The following KATNBL1 variants were observed in gnomAD, a reference collection of about 807,000 sequenced individuals.
The protein encoded by KATNBL1 is KATNB1-like protein 1.
A neutral mutation model predicts 44.7 loss-of-function variants in KATNBL1; 28 were observed. That is an observed-to-expected ratio of 0.63 (90% CI 0.46 to 0.86). KATNBL1 has a LOEUF of 0.86. Ranked by LOEUF, KATNBL1 falls within the 40% of genes least tolerant of loss-of-function variation. KATNBL1 has a pLI of 0.00. For synonymous variants in KATNBL1, 78 were observed against 114.9 expected (o/e 0.68, Z 2.06); for missense variants, 272 against 350.7 (o/e 0.78, Z 1.79).
At position 34,188,137 on chromosome 15, in the gene KATNBL1, T is replaced by TAAAAAAACAAAAA. The variant is rs1491479355; in HGVS notation, c.-15+21813_-15+21814insTTTTTGTTTTTTT. ...CTGGGTGACAGAGGAAGACGCCATG[T>TAAAAAAACAAAAA]AAAAAAAAAAAAAAAAAAAAAAAAA... On this transcript the variant is annotated intron_variant, in intron 1 of 9. Transcript: ENST00000256544. Among the ~76,000 whole-genome samples the TAAAAAAACAAAAA allele has an allele frequency of 1.4e-4, 3 of 22,084 alleles. No individual in the cohort carries two copies. The East Asian group carries it at 6.7e-3, about 49-fold the overall frequency. 14.5% of individuals were successfully genotyped at this position (22,084 alleles called of 152,430 possible).
intron 2 of KATNBL1, among the ~76,000 whole-genome samples, chr15:34,156,352 G>GA (rs779658700): frequency 5.2e-4 from 79 of 152,276 alleles, no homozygotes; most frequent in Non-Finnish European, 7.5e-4. Flanking sequence ...TGGAATCCTG[G>GA]AAAAAGAGCT....
chr15:34,169,049 A>G (rs1889073364), intron 1 of KATNBL1, among the ~76,000 whole-genome samples: 1 of 152,210 alleles, frequency 6.6e-6, no homozygotes, highest in African/African-American at 2.4e-5. Context: ...AAGAGCAAAC[A>G]AATTCAAAAG....
At chr15:34,177,041 A>G (rs1889352579) in intron 1 of KATNBL1, among the ~76,000 whole-genome samples, 1 of 1,644 alleles carries the variant, frequency 6.1e-4, no homozygotes, top group Non-Finnish European at 1.6e-3. Flanking sequence ...GAAACTGGCA[A>G]TTATCATTGC....
intron 2 of KATNBL1, among the ~76,000 whole-genome samples, chr15:34,155,650 A>G (rs779113311): frequency 2.0e-5 from 3 of 152,224 alleles, no homozygotes; most frequent in Non-Finnish European, 2.9e-5. Flanking sequence ...AGTTTTAATC[A>G]TGATGCAAAC....
chr15:34,194,824 A>G (rs750956173), intron 1 of KATNBL1, among the ~76,000 whole-genome samples: 2 of 152,264 alleles, frequency 1.3e-5, no homozygotes, highest in African/African-American at 2.4e-5. Context: ...CTTCAAAAGA[A>G]GACAAATGGC....
At position 34,151,152 on chromosome 15, in the gene KATNBL1, G is replaced by C. The variant is rs534785461; in HGVS notation, c.438+1638C>G. Among the ~76,000 whole-genome samples the C allele has an allele frequency of 8.5e-5, 13 of 152,176 alleles. No homozygotes were observed. In the South Asian group the frequency reaches 2.7e-3, roughly 32 times the overall value. On this transcript the variant is annotated intron_variant, in intron 4 of 9. Coordinates refer to ENST00000256544, the MANE Select transcript of KATNBL1 (RefSeq NM_024713.3). ...ATAATAAGATTGTTTTAAGTTCTTT[G>C]AAAAATTGTCGCACTGCTTTCACAA...
chr15:34,167,000 A>G (rs7175168), intron 1 of KATNBL1, among the ~76,000 whole-genome samples: 49,810 of 152,082 alleles, frequency 0.33, 8,582 homozygotes, highest in African/African-American at 0.45. Context: ...AAACCAGAGC[A>G]GAAAGGCTGA....
intron 3 of KATNBL1, 51 bp from the exon 4 acceptor site, chr15:34,153,120 T>C: frequency 7.5e-7 from 1 of 1,326,266 alleles, no homozygotes; most frequent in Non-Finnish European, 1.0e-6. Context: ...ATGAAATCCT[T>C]TAAAAGTTTT....
chr15:34,183,624 G>A (rs1293786639), intron 1 of KATNBL1, among the ~76,000 whole-genome samples: 1 of 152,106 alleles, frequency 6.6e-6, no homozygotes, highest in Non-Finnish European at 1.5e-5. Flanking sequence ...AATAAAATAC[G>A]ATTATTTTTT....
chr15:34,194,468 TA>T (rs1184021402), intron 1 of KATNBL1, among the ~76,000 whole-genome samples: 2 of 152,114 alleles, frequency 1.3e-5, no homozygotes, highest in African/African-American at 4.8e-5. Flanking sequence ...AAAAAAACTT[TA>T]AAAATTACAT....
At position 34,141,049 on chromosome 15, in the gene KATNBL1, T is replaced by G. The variant is rs957219043; in HGVS notation, c.*1290A>C. On this transcript the variant is annotated 3_prime_UTR_variant, in exon 10 of 10. Coordinates refer to ENST00000256544, the MANE Select transcript of KATNBL1 (RefSeq NM_024713.3). ...CAGAGAAATTCAATTACTAAAAACCTTTGCTCAGATGCCTGTCAGGCATAT... is the reference window on the plus strand; with the variant it reads ...CAGAGAAATTCAATTACTAAAAACCGTTGCTCAGATGCCTGTCAGGCATAT... 1 of 152,136 alleles carries G rather than the reference T, an allele frequency of 6.6e-6. No homozygotes were observed. Among genetic ancestry groups the G allele is most frequent in the South Asian group, 2.1e-4 (1 of 4,830 alleles). The allele number at this position is 152,136 out of a possible 1,614,324, so 9.4% of individuals were successfully genotyped here. A position where few individuals can be genotyped will look rare whatever the true frequency, so the allele number is the denominator to read the frequency against.
At chr15:34,204,393 T>C (rs1890242258) in intron 1 of KATNBL1, among the ~76,000 whole-genome samples, 1 of 152,212 alleles carries the variant, frequency 6.6e-6, no homozygotes, top group Admixed American at 6.5e-5. Flanking sequence ...CTTATTACAG[T>C]TGTCCCTCAG....
intron 2 of KATNBL1, 97 bp from the exon 3 acceptor site, chr15:34,154,781 T>C (rs772686518): frequency 2.8e-5 from 23 of 815,700 alleles, no homozygotes; most frequent in Non-Finnish European, 4.4e-5. Flanking sequence ...AGCAAGGCAA[T>C]TTACTTCTGC....
At chr15:34,179,734 C>A (rs1037909395) in intron 1 of KATNBL1, among the ~76,000 whole-genome samples, 3 of 152,210 alleles carry the variant, frequency 2.0e-5, no homozygotes, top group Non-Finnish European at 4.4e-5. Flanking sequence ...CAAAAAAGGT[C>A]TATCAAAACA....
chr15:34,199,025 G>T (rs1255821665), intron 1 of KATNBL1, among the ~76,000 whole-genome samples: 1 of 152,180 alleles, frequency 6.6e-6, no homozygotes, highest in Non-Finnish European at 1.5e-5. Context: ...ACTGGAAAAA[G>T]AACAAAGAGA....
chr15:34,183,871 T>G (rs569082112), intron 1 of KATNBL1, among the ~76,000 whole-genome samples: 4 of 152,232 alleles, frequency 2.6e-5, no homozygotes, highest in Non-Finnish European at 5.9e-5. Context: ...GGGGAAAAGG[T>G]AGAAACTCCT....
intron 1 of KATNBL1, among the ~76,000 whole-genome samples, chr15:34,187,761 A>G (rs1889755942): frequency 6.6e-6 from 1 of 152,216 alleles, no homozygotes; most frequent in Non-Finnish European, 1.5e-5. Context: ...AAAAATAACC[A>G]GTTCCTCCAT....
chr15:34,177,771 A>G (rs2140959026), intron 1 of KATNBL1: 1 of 152,298 alleles, frequency 6.6e-6, no homozygotes, highest in East Asian at 1.9e-4. Context: ...CTCAAGATCA[A>G]GTTAAGCTTT....
chr15:34,181,508 T>A (rs1184352558), intron 1 of KATNBL1, among the ~76,000 whole-genome samples: 2 of 149,666 alleles, frequency 1.3e-5, no homozygotes, highest in African/African-American at 4.9e-5. Flanking sequence ...AATTAATTTT[T>A]TAAATTAGAA....
Sources: allele counts gnomAD v4.1 joint callset (sites outside exome capture counted in the v4.1 genomes callset), GRCh38; gene constraint gnomAD v4.1.1; transcripts MANE v1.5; gene names NCBI Gene and HGNC (gene_info 2026-07-23, HGNC 2026-07-21).